The following DSC2 variants were observed in gnomAD, a reference collection of about 807,000 sequenced individuals.
DSC2 encodes desmocollin 2.
In DSC2, 51 loss-of-function variants were observed where a neutral mutation model predicts 87.6. The ratio of observed to expected loss-of-function variants is 0.58; its 90% CI spans 0.46 to 0.74. The LOEUF (loss-of-function observed/expected upper bound fraction) is 0.74, where lower values mean the gene tolerates loss of function less well. Ranked by LOEUF, DSC2 falls within the 30% of genes least tolerant of loss-of-function variation. The pLI is 0.00. For synonymous variants in DSC2, 383 were observed against 393.2 expected (o/e 0.97, Z 0.31); for missense variants, 1,066 against 1,089.5 (o/e 0.98, Z 0.30).
At chr18:31,076,780 C>A (rs956860478) in intron 11 of DSC2, among the ~76,000 whole-genome samples, 3 of 151,912 alleles carry the variant, frequency 2.0e-5, no homozygotes, top group African/African-American at 7.3e-5. Context: ...TAAAAAAATC[C>A]ACGGCATACA....
At position 31,067,882 on chromosome 18, in the gene DSC2, C is replaced by T. The variant is rs139923163; in HGVS notation, c.*133G>A. The T allele has an allele frequency of 5.8e-3, 4,710 of 814,950 alleles. 254 individuals carry two copies. In the Admixed American group the frequency reaches 0.089, roughly 15 times the overall value. 50.5% of individuals were successfully genotyped at this position (814,950 alleles called of 1,614,324 possible). On this transcript the variant is annotated 3_prime_UTR_variant, in exon 16 of 16. Transcript: ENST00000280904. ...TGTCTCTCTGTAAATGTGCATTTGA[C>T]CAAAGAGATTCCATCCAAATAATGA...
intron 1 of DSC2, among the ~76,000 whole-genome samples, chr18:31,095,244 A>G (rs909075246): frequency 6.6e-6 from 1 of 152,222 alleles, no homozygotes; most frequent in African/African-American, 2.4e-5. Context: ...AGACTTGTGT[A>G]TTGCAGAAAC....
intron 12 of DSC2, 148 bp downstream of exon 12, chr18:31,074,535 G>A (rs559245948): frequency 2.0e-5 from 15 of 735,900 alleles, no homozygotes; most frequent in Non-Finnish European, 3.4e-5. Flanking sequence ...AGACACACTA[G>A]AGAGACCTAC....
chr18:31,086,818 C>A (rs1987416698), intron 6 of DSC2, 76 bp from the exon 7 acceptor site: 1 of 1,525,606 alleles, frequency 6.6e-7, no homozygotes, highest in Admixed American at 1.9e-5. Context: ...TCCTTTTCAC[C>A]CACCTCAAAA....
At chr18:31,075,620 G>A (rs1331159243) in intron 11 of DSC2, among the ~76,000 whole-genome samples, 1 of 152,168 alleles carries the variant, frequency 6.6e-6, no homozygotes, top group African/African-American at 2.4e-5. Flanking sequence ...GGAAGCCGAG[G>A]TGGGCAGATC....
At chr18:31,087,512 C>T (rs1023510959) in intron 6 of DSC2, among the ~76,000 whole-genome samples, 157 bp downstream of exon 6, 4 of 152,114 alleles carry the variant, frequency 2.6e-5, no homozygotes, top group African/African-American at 9.7e-5. Context: ...GGAAATTTGC[C>T]AAGCATCACA....
Position 31,071,633 on chromosome 18 carries a change from T to G in DSC2, c.2097A>C (p.Ala699=), listed in dbSNP as rs1986830703. Residue 699 remains alanine, a synonymous_variant, in exon 13 of 16, where the codon GCA becomes GCC. Transcript: ENST00000280904. The stretch of plus-strand genomic sequence containing the variant: ...AGAGCAATGCTATGCCCAACAATAT[T>G]GCAAGGATGGCCCACTTTCCAAGTT... ...GVQLGKWAIL[A]ILLGIALLFC... The G allele has an allele frequency of 6.2e-7, 1 of 1,613,928 alleles. No homozygotes were observed. The highest frequency in any genetic ancestry group is 1.1e-5 in the South Asian group (1 of 91,066).
At chr18:31,081,992 C>T (rs1224573425) in intron 9 of DSC2, among the ~76,000 whole-genome samples, 1 of 151,596 alleles carries the variant, frequency 6.6e-6, no homozygotes, top group African/African-American at 2.4e-5. Flanking sequence ...GTTTTTGAAC[C>T]ATTTAAAGAT....
Position 31,101,918 on chromosome 18 carries a change from G to T in DSC2, c.54C>A (p.Leu18=). The part of the protein sequence containing the change: ...GSWNGALCRL[L]LLTLAILIFA... Reference sequence around the variant, plus strand: ...CTACACTCACCGCGAGGGTCAGCAGGAGCAGCCGGCAGAGGGCTCCGTTCC... The same window carrying T: ...CTACACTCACCGCGAGGGTCAGCAGTAGCAGCCGGCAGAGGGCTCCGTTCC... Residue 18 remains leucine, a synonymous_variant, in exon 1 of 16, where the codon CTC becomes CTA. Transcript: ENST00000280904. 1 of 1,531,714 alleles carries T rather than the reference G, an allele frequency of 6.5e-7. No individual in the cohort carries two copies. Among genetic ancestry groups the T allele is most frequent in the South Asian group, 1.2e-5 (1 of 83,110 alleles). 94.9% of individuals were successfully genotyped at this position (1,531,714 alleles called of 1,614,324 possible).
intron 5 of DSC2, among the ~76,000 whole-genome samples, chr18:31,088,598 T>C (rs569964852): frequency 6.6e-6 from 1 of 152,156 alleles, no homozygotes; most frequent in African/African-American, 2.4e-5. Flanking sequence ...TAAAACTGAC[T>C]TAAGCAAAAT....
chr18:31,078,602 G>C (rs1987098789), intron 11 of DSC2, among the ~76,000 whole-genome samples: 1 of 149,790 alleles, frequency 6.7e-6, no homozygotes, highest in African/African-American at 2.5e-5. Context: ...AGTATTTCTT[G>C]GCAAAAAGAC....
At chr18:31,077,438 C>T (rs895044565) in intron 11 of DSC2, among the ~76,000 whole-genome samples, 7 of 152,190 alleles carry the variant, frequency 4.6e-5, no homozygotes, top group African/African-American at 1.7e-4. Flanking sequence ...TCTTTAAAAA[C>T]TGAACTCTAT....
Position 31,096,216 on chromosome 18 carries a change from A to G in DSC2, c.70-2573T>C, listed in dbSNP as rs1026661459. On this transcript the variant is annotated intron_variant, in intron 1 of 15. Transcript: ENST00000280904. Reference sequence around the variant, plus strand: ...CAAGCTAGGTAATTAAGAAAAACCTATGCCAAAACTAATTAAAAATCAGGG... The same window carrying G: ...CAAGCTAGGTAATTAAGAAAAACCTGTGCCAAAACTAATTAAAAATCAGGG... Among the ~76,000 whole-genome samples the G allele has an allele frequency of 3.3e-5, 5 of 152,228 alleles. No homozygotes were observed. The South Asian group carries it at 1.0e-3, about 32-fold the overall frequency.
At chr18:31,082,162 C>A in intron 9 of DSC2, 76 bp downstream of exon 9, 1 of 1,381,038 alleles carries the variant, frequency 7.2e-7, no homozygotes, top group Non-Finnish European at 1.0e-6. Flanking sequence ...TATCAGAATT[C>A]CTTTCTTTCC....
At position 31,093,732 on chromosome 18, in the gene DSC2, T is replaced by C. The variant is rs756757231; in HGVS notation, c.70-89A>G. ...ATTTATATAAATTATAAATTTATAA[T>C]GATATACACATAAAAAGGCATATAA... On this transcript the variant is annotated intron_variant, in intron 1 of 15. Coordinates refer to ENST00000280904, the MANE Select transcript of DSC2 (RefSeq NM_024422.6). 7.5e-4 allele frequency: 426 copies of C among 567,020 alleles called. 1 individual carries two copies. Among genetic ancestry groups the C allele is most frequent in the Non-Finnish European group, 9.6e-4 (397 of 414,248 alleles). The allele number at this position is 567,020 out of a possible 1,614,324, so 35.1% of individuals were successfully genotyped here. A position where few individuals can be genotyped will look rare whatever the true frequency, so the allele number is the denominator to read the frequency against.
Position 31,092,227 on chromosome 18 carries a change from A to T in DSC2, c.228T>A (p.Asp76Glu). The change falls in exon 3 of 16, where the codon GAT becomes GAA. Residue 76 changes from aspartate (D) to glutamate (E), a missense_variant. By Grantham distance (45) the Asp-to-Glu change is conservative. Coordinates refer to ENST00000280904, the MANE Select transcript of DSC2 (RefSeq NM_024422.6). ...TAGTATTTGTTGTATAGACTGAACC[A>T]TCCTCCAAAATTTGGAAGTCAGGAT... ...SSDPDFQILE[D>E]GSVYTTNTIL... 1 of 1,613,860 alleles carries T rather than the reference A, an allele frequency of 6.2e-7. No homozygotes were observed. Among genetic ancestry groups the T allele is most frequent in the Non-Finnish European group, 8.5e-7 (1 of 1,179,842 alleles).
chr18:31,087,712 T>C lies in DSC2; in HGVS notation c.732A>G (p.Thr244=). 6.2e-7 allele frequency: 1 copy of C among 1,613,698 alleles called. No homozygotes were observed. Among genetic ancestry groups the C allele is most frequent in the East Asian group, 2.2e-5 (1 of 44,854 alleles). Residue 244 remains threonine, a synonymous_variant, in exon 6 of 16, where the codon ACA becomes ACG. Coordinates refer to ENST00000280904, the MANE Select transcript of DSC2 (RefSeq NM_024422.6). Reference sequence around the variant, plus strand: ...AAATTGTAAAAGTATAAGTTTCTTCTGTAAAAATTGGGTAGTTATCATTTT... The same window carrying C: ...AAATTGTAAAAGTATAAGTTTCTTCCGTAAAAATTGGGTAGTTATCATTTT... The part of the protein sequence containing the change: ...EDENDNYPIF[T]EETYTFTIFE...
In DSC2 at chr18:31,086,705, A is replaced by T; in HGVS notation, c.813T>A (p.Asp271Glu). The T allele has an allele frequency of 6.2e-7, 1 of 1,614,140 alleles. No individual in the cohort carries two copies. Reference protein sequence around the residue: ...TVGQVCATDKDEPDTMHTRLK... With the variant: ...TVGQVCATDKEEPDTMHTRLK... ...GGCGTGTGTGCATCGTGTCAGGCTC[A>T]TCTTTGTCAGTAGCACACACTTGTC... The change falls in exon 7 of 16, where the codon GAT (aspartate) becomes GAA (glutamate). Residue 271 changes from aspartate to glutamate, a missense_variant. By Grantham distance (45) the Asp-to-Glu change is conservative. Coordinates refer to ENST00000280904, the MANE Select transcript of DSC2 (RefSeq NM_024422.6).
rs544457730 is a variant in DSC2 at position 31,092,279 on chromosome 18, G to A, written c.176C>T (p.Thr59Ile). Residue 59 changes from threonine (T) to isoleucine (I), a missense_variant, in exon 3 of 16, where the codon ACA becomes ATA. Physicochemically the swap from Thr to Ile is moderately conservative, Grantham distance 89. Coordinates refer to ENST00000280904, the MANE Select transcript of DSC2 (RefSeq NM_024422.6). Reference sequence around the variant, plus strand: ...ACTTGAATGAATTAGATTTGCAGCTGTAAAGCACTCTTTCAGGTTAACTGT... The same window carrying A: ...ACTTGAATGAATTAGATTTGCAGCTATAAAGCACTCTTTCAGGTTAACTGT... ...VGRVNLKECF[T>I]AANLIHSSDP... is the part of the protein sequence containing the mutation. 2.5e-6 allele frequency: 4 copies of A among 1,613,554 alleles called. No individual in the cohort carries two copies. The African/African-American group carries it at 4.0e-5, about 16-fold the overall frequency.
Sources: gnomAD v4.1 joint callset for allele counts (sites outside exome capture counted in the v4.1 genomes callset) on GRCh38, gnomAD v4.1.1 for gene constraint, MANE v1.5 for transcripts, NCBI Gene and HGNC (gene_info 2026-07-23, HGNC 2026-07-21) for gene names.